ZNF777: variants seen among roughly 807,000 people sequenced by gnomAD.
ZNF777 encodes the protein zinc finger protein 777.
ZNF777 carries 7 observed loss-of-function variants against 72.1 expected under a neutral mutation model. The observed-to-expected ratio is 0.10, with a 90% CI of 0.06 to 0.18. ZNF777 has a LOEUF of 0.18. Ranked by LOEUF, ZNF777 falls within the 10% of genes least tolerant of loss-of-function variation. ZNF777 has a pLI of 1.00. For missense variants in ZNF777, 828 were observed against 1,128.6 expected (o/e 0.73, Z 3.82); for synonymous variants, 545 against 483.5 (o/e 1.13, Z -1.67).
In ZNF777 at chr7:149,432,892, T is replaced by C. The variant is rs1799346503; in HGVS notation, c.1380A>G (p.Glu460=). The change falls in exon 6 of 6, where the codon GAA becomes GAG. Residue 460 remains glutamate, a synonymous_variant. Coordinates refer to ENST00000247930, the MANE Select transcript of ZNF777 (RefSeq NM_015694.3). ...GCAGCTCATCCTCCTCCTCCTCTTC[T>C]TCCTCCTCGTCTTGTTCCTCTGTCT... ...VIKTEEQDEE[E]EEEEEDELPQ... 6.5e-7 allele frequency: 1 copy of C among 1,529,882 alleles called. No individual in the cohort carries two copies. The highest frequency in any genetic ancestry group is 1.4e-5 in the African/African-American group (1 of 72,726). 94.8% of individuals were successfully genotyped at this position (1,529,882 alleles called of 1,614,324 possible).
chr7:149,440,665 GTTTTTTTGTTTTT>G (rs1211842703), intron 4 of ZNF777, among the ~76,000 whole-genome samples: 2 of 88,396 alleles, frequency 2.3e-5, no homozygotes, highest in Non-Finnish European at 4.2e-5. Context: ...GCAGCCTGTT[GTTTTTTTGTTTTT>G]TTTTTTTTTT....
chr7:149,434,929 T>C (rs886504385), intron 5 of ZNF777, among the ~76,000 whole-genome samples: 4 of 152,108 alleles, frequency 2.6e-5, no homozygotes, highest in Admixed American at 2.6e-4. Context: ...CGCCAAACAT[T>C]TGGCCCTAAA....
At position 149,460,139 on chromosome 7, in the gene ZNF777, T is replaced by G; in HGVS notation, c.-16+676A>C. 1 of 978,822 alleles carries G rather than the reference T, an allele frequency of 1.0e-6. No homozygotes were observed. The highest frequency in any genetic ancestry group is 1.2e-6 in the Non-Finnish European group (1 of 826,544). The allele number at this position is 978,822 out of a possible 1,614,324, so 60.6% of individuals were successfully genotyped here. On this transcript the variant is annotated intron_variant, in intron 1 of 5. Coordinates refer to ENST00000247930, the MANE Select transcript of ZNF777 (RefSeq NM_015694.3). The surrounding 1 kb of genome is among the most constrained non-coding windows in gnomAD (Gnocchi z 6.1). ...CGCCCTCACAGGAGCCGGGGCCGCC[T>G]CGGCCATGGCCCTGCGCTGTCCGGC...
At chr7:149,446,295 G>T (rs1799601097) in intron 4 of ZNF777, among the ~76,000 whole-genome samples, 4 of 152,076 alleles carry the variant, frequency 2.6e-5, no homozygotes, top group Admixed American at 2.0e-4. Flanking sequence ...AAAATCACTT[G>T]TATCCTGGAG....
chr7:149,450,500 C>T (rs1264537668), intron 4 of ZNF777, among the ~76,000 whole-genome samples: 2 of 152,176 alleles, frequency 1.3e-5, no homozygotes, highest in Non-Finnish European at 2.9e-5. Context: ...CCAGAGTGTG[C>T]ACATGAGCCA....
At chr7:149,451,657 C>T (rs560414795) in intron 3 of ZNF777, among the ~76,000 whole-genome samples, 3 of 152,054 alleles carry the variant, frequency 2.0e-5, no homozygotes, top group African/African-American at 7.2e-5. Context: ...ACACACTGCA[C>T]TCCAGCCTGG....
chr7:149,445,407 G>A (rs897156501), intron 4 of ZNF777, among the ~76,000 whole-genome samples: 3 of 152,150 alleles, frequency 2.0e-5, no homozygotes, highest in Non-Finnish European at 4.4e-5. Context: ...AGACTTAAAA[G>A]GGGACACTCA....
chr7:149,438,977 A>G (rs1799463591), intron 4 of ZNF777, among the ~76,000 whole-genome samples: 1 of 152,174 alleles, frequency 6.6e-6, no homozygotes, highest in Non-Finnish European at 1.5e-5. Flanking sequence ...CACTCTCTCC[A>G]AAGATGTCTG....
intron 4 of ZNF777, among the ~76,000 whole-genome samples, chr7:149,442,234 A>AT (rs1339468879): frequency 1.3e-4 from 18 of 134,404 alleles, no homozygotes; most frequent in Non-Finnish European, 1.6e-4. Flanking sequence ...AAAAAAAAAA[A>AT]AGTGATAAAT....
Position 149,450,708 on chromosome 7 carries a change from C to G in ZNF777, c.1087+291G>C, listed in dbSNP as rs79259992. On this transcript the variant is annotated intron_variant, in intron 4 of 5. Coordinates refer to ENST00000247930, the MANE Select transcript of ZNF777 (RefSeq NM_015694.3). Reference sequence around the variant, plus strand: ...ATTTTAAGCACTAATGACTGCTTGACAAGGGACTGCCTTTCTTTGAGTTTC... The same window carrying G: ...ATTTTAAGCACTAATGACTGCTTGAGAAGGGACTGCCTTTCTTTGAGTTTC... Among the ~76,000 whole-genome samples the G allele has an allele frequency of 2.8e-3, 431 of 152,334 alleles. 2 individuals are homozygous for G. The highest frequency in any genetic ancestry group is 8.6e-3 in the African/African-American group (358 of 41,570).
At chr7:149,446,718 T>C (rs1034222544) in intron 4 of ZNF777, among the ~76,000 whole-genome samples, 2 of 151,806 alleles carry the variant, frequency 1.3e-5, no homozygotes, top group African/African-American at 2.4e-5. Flanking sequence ...TCCCCCCAAC[T>C]GTCCCATATT....
At chr7:149,448,484 A>ACTATAT (rs1416629582) in intron 4 of ZNF777, among the ~76,000 whole-genome samples, 1 of 21,692 alleles carries the variant, frequency 4.6e-5, no homozygotes, top group Non-Finnish European at 7.4e-5. Context: ...ACAAAACAAA[A>ACTATAT]CTATATATAT....
chr7:149,446,941 C>T (rs1042345214), intron 4 of ZNF777, among the ~76,000 whole-genome samples: 5 of 152,238 alleles, frequency 3.3e-5, no homozygotes, highest in East Asian at 1.9e-4. Flanking sequence ...CAGCAGAATA[C>T]GACACGGTTG....
At position 149,455,128 on chromosome 7, in the gene ZNF777, C is replaced by T. The variant is rs763547746; in HGVS notation, c.846+49G>A. The T allele has an allele frequency of 3.2e-6, 5 of 1,566,780 alleles. No individual in the cohort carries two copies. Among genetic ancestry groups the T allele is most frequent in the Non-Finnish European group, 3.4e-6 (4 of 1,160,138 alleles). On this transcript the variant is annotated intron_variant, in intron 2 of 5. Transcript: ENST00000247930. The surrounding 1 kb of genome is among the most constrained non-coding windows in gnomAD (Gnocchi z 4.2). ...TATTACACTACATTCCTAAACCACACTCCAATTCAGATCACTTCCTTGGGA... is the reference window on the plus strand; with the variant it reads ...TATTACACTACATTCCTAAACCACATTCCAATTCAGATCACTTCCTTGGGA...
intron 1 of ZNF777, among the ~76,000 whole-genome samples, chr7:149,457,595 G>A (rs1018133576): frequency 2.6e-5 from 4 of 151,988 alleles, no homozygotes; most frequent in Non-Finnish European, 5.9e-5. Flanking sequence ...TCTTTTATTG[G>A]TTCATTTATA....
chr7:149,448,214 C>T (rs1799638831), intron 4 of ZNF777, among the ~76,000 whole-genome samples: 1 of 151,682 alleles, frequency 6.6e-6, no homozygotes, highest in African/African-American at 2.4e-5. Flanking sequence ...GCCTTTAATC[C>T]CAACACTTTG....
intron 5 of ZNF777, among the ~76,000 whole-genome samples, chr7:149,433,494 A>G (rs1034401106): frequency 1.3e-5 from 2 of 152,214 alleles, no homozygotes; most frequent in African/African-American, 4.8e-5. Context: ...AACTCTGCTC[A>G]GACCGGCCCA....
intron 2 of ZNF777, among the ~76,000 whole-genome samples, chr7:149,454,912 G>C (rs149457701): frequency 6.6e-6 from 1 of 152,142 alleles, no homozygotes; most frequent in African/African-American, 2.4e-5. Context: ...ATCGGCCTTC[G>C]CTTTGCCTTC....
chr7:149,451,994 A>C (rs111571474), intron 3 of ZNF777, among the ~76,000 whole-genome samples: 1 of 152,060 alleles, frequency 6.6e-6, no homozygotes, highest in Admixed American at 6.5e-5. Context: ...CACTGGGCAC[A>C]GTGGCTCACG....
Sources: gnomAD v4.1 joint callset for allele counts (sites outside exome capture counted in the v4.1 genomes callset) on GRCh38, gnomAD v4.1.1 for gene constraint, Gnocchi (gnomAD v3.1) non-coding constraint, MANE v1.5 for transcripts, NCBI Gene and HGNC (gene_info 2026-07-23, HGNC 2026-07-21) for gene names.